THSD7B: variants seen among roughly 807,000 people sequenced by gnomAD.
THSD7B encodes the protein thrombospondin type 1 domain containing 7B, also known as thrombospondin type-1 domain-containing protein 7B.
In THSD7B, 138 loss-of-function variants were observed where a neutral mutation model predicts 213.6. The observed-to-expected ratio is 0.65, with a 90% CI of 0.56 to 0.74. The LOEUF is 0.74. Among genes scored for constraint, THSD7B ranks in the 30% least tolerant of loss-of-function variants. THSD7B has a pLI of 0.00. For synonymous variants in THSD7B, 742 were observed against 687.0 expected, an observed-to-expected ratio of 1.08 and a Z score of -1.25; for missense variants, 1,931 against 1,991.5, an observed-to-expected ratio of 0.97 and a Z score of 0.58.
chr2:137,642,497 G>A lies in THSD7B; in HGVS notation c.3809G>A (p.Ser1270Asn), dbSNP rs758655082. The change falls in exon 21 of 28, where the codon AGC becomes AAC. Residue 1270 changes from serine (S) to asparagine (N), a missense_variant. By Grantham distance (46) the Ser-to-Asn change is conservative. Transcript: ENST00000409968. ...SQTCGHGGRMSRTRFIIMPTQ... is the reference protein window; with the variant it reads ...SQTCGHGGRMNRTRFIIMPTQ... ...TCCCTTATCATTTTAGGTCGAATGA[G>A]CCGGACTCGATTTATCATTATGCCA... The A allele has an allele frequency of 2.5e-6, 4 of 1,613,738 alleles. No individual in the cohort carries two copies. The highest frequency in any genetic ancestry group is 1.6e-4 in the Middle Eastern group (1 of 6,062).
chr2:137,360,854 G>A (rs1243861565), intron 12 of THSD7B, among the ~76,000 whole-genome samples: 1 of 152,194 alleles, frequency 6.6e-6, no homozygotes, highest in African/African-American at 2.4e-5. Context: ...GAAGAGAGCA[G>A]TGGGTCTCCC....
intron 7 of THSD7B, among the ~76,000 whole-genome samples, chr2:137,187,254 C>T (rs1413638082): frequency 6.6e-6 from 1 of 152,130 alleles, no homozygotes; most frequent in African/African-American, 2.4e-5. Flanking sequence ...AGCATGGCTT[C>T]TCCAGGGCTA....
intron 12 of THSD7B, among the ~76,000 whole-genome samples, chr2:137,398,199 G>A (rs1434994684): frequency 8.6e-5 from 13 of 150,320 alleles, no homozygotes; most frequent in Admixed American, 4.0e-4. Context: ...TTGTTCCGTT[G>A]CTGGTGAGGA....
At chr2:137,102,345 C>A (rs1483722359) in intron 4 of THSD7B, among the ~76,000 whole-genome samples, 2 of 150,278 alleles carry the variant, frequency 1.3e-5, no homozygotes, top group African/African-American at 4.9e-5. Context: ...GCATCAACAT[C>A]AACAAAAAGG....
chr2:137,601,454 A>G (rs1682075049), intron 17 of THSD7B, among the ~76,000 whole-genome samples: 1 of 152,220 alleles, frequency 6.6e-6, no homozygotes, highest in African/African-American at 2.4e-5. Context: ...TATAGTATTT[A>G]GTATACAGTA....
intron 13 of THSD7B, among the ~76,000 whole-genome samples, chr2:137,408,912 G>A (rs573555595): frequency 2.0e-5 from 3 of 152,304 alleles, no homozygotes; most frequent in African/African-American, 7.2e-5. Context: ...AGGAAGGTGG[G>A]TAGAAATTGT....
chr2:137,405,138 G>A (rs909272606), intron 12 of THSD7B, among the ~76,000 whole-genome samples: 1 of 139,532 alleles, frequency 7.2e-6, no homozygotes, highest in African/African-American at 2.6e-5. Context: ...ACAGACAGCA[G>A]AAATTCCTTT....
At chr2:136,921,764 CAG>C (rs975293883) in intron 2 of THSD7B, among the ~76,000 whole-genome samples, 7 of 152,130 alleles carry the variant, frequency 4.6e-5, no homozygotes, top group African/African-American at 1.4e-4. Flanking sequence ...ATTTGTGAAA[CAG>C]AGTACTGTCG....
chr2:137,314,768 G>T (rs1198037046), intron 12 of THSD7B, among the ~76,000 whole-genome samples: 1 of 152,176 alleles, frequency 6.6e-6, no homozygotes, highest in Admixed American at 6.5e-5. Context: ...ACTCGGCCTT[G>T]TGAGGTGTCA....
At chr2:137,253,918 T>G (rs1213443974) in intron 10 of THSD7B, among the ~76,000 whole-genome samples, 1 of 152,188 alleles carries the variant, frequency 6.6e-6, no homozygotes, top group Non-Finnish European at 1.5e-5. Flanking sequence ...TTAATTTATA[T>G]TATTATAGTA....
chr2:137,577,501 C>T (rs535547698), intron 17 of THSD7B, among the ~76,000 whole-genome samples: 4 of 152,186 alleles, frequency 2.6e-5, no homozygotes, highest in Non-Finnish European at 5.9e-5. Context: ...TGCCCCGACA[C>T]CTTCCATTCT....
In THSD7B at chr2:136,807,510, T is replaced by TTTTTTTC. The variant is rs775289705; in HGVS notation, c.-36+41829_-36+41830insCTTTTTT. ...CTTCCTAGCACTACAAAATGTTTCG[T>TTTTTTTC]TTTTTTTTTTTTTTTGAGACGGAGT... On this transcript the variant is annotated intron_variant, in intron 1 of 27. Coordinates refer to ENST00000409968, the MANE Select transcript of THSD7B (RefSeq NM_001316349.2). Among the ~76,000 whole-genome samples the TTTTTTTC allele has an allele frequency of 4.3e-4, 19 of 44,004 alleles. 2 individuals are homozygous for TTTTTTTC. The South Asian group carries it at 5.4e-3, about 12-fold the overall frequency. 28.9% of individuals were successfully genotyped at this position (44,004 alleles called of 152,430 possible).
At chr2:137,403,520 T>A (rs921052556) in intron 12 of THSD7B, among the ~76,000 whole-genome samples, 3 of 152,222 alleles carry the variant, frequency 2.0e-5, no homozygotes, top group Non-Finnish European at 4.4e-5. Flanking sequence ...AAAGTGATCC[T>A]AAACTATGAT....
At chr2:137,322,773 G>A (rs768314656) in intron 12 of THSD7B, among the ~76,000 whole-genome samples, 3 of 152,162 alleles carry the variant, frequency 2.0e-5, no homozygotes, top group Non-Finnish European at 2.9e-5. Flanking sequence ...ATGTGCCGTA[G>A]AATACTCTCT....
chr2:137,111,873 G>A (rs1272338851), intron 4 of THSD7B, among the ~76,000 whole-genome samples: 1 of 152,156 alleles, frequency 6.6e-6, no homozygotes, highest in African/African-American at 2.4e-5. Context: ...CTCAGAGGAG[G>A]TAGGACGCCG....
At position 136,780,415 on chromosome 2, in the gene THSD7B, C is replaced by T. The variant is rs902969116; in HGVS notation, c.-36+14728C>T. Among the ~76,000 whole-genome samples, 6 of 152,156 alleles carry T rather than the reference C, an allele frequency of 3.9e-5. No homozygotes were observed. The South Asian group carries it at 1.2e-3, about 32-fold the overall frequency. ...ACTGTTACCTTGGAGGTTAGGAGTT[C>T]AACATATGAATGTTGGTGAGACACA... is the stretch of plus-strand genomic sequence containing the variant. On this transcript the variant is annotated intron_variant, in intron 1 of 27. Transcript: ENST00000409968.
chr2:137,460,365 A>G (rs1275075158), intron 15 of THSD7B, among the ~76,000 whole-genome samples: 1 of 152,168 alleles, frequency 6.6e-6, no homozygotes, highest in East Asian at 1.9e-4. Context: ...TACTTGATAG[A>G]TGTTAAGTAT....
intron 3 of THSD7B, among the ~76,000 whole-genome samples, chr2:137,073,489 A>G (rs189054738): frequency 2.0e-5 from 3 of 152,046 alleles, no homozygotes; most frequent in Non-Finnish European, 4.4e-5. Flanking sequence ...TTTTCTTCTT[A>G]GTCTTGCTAG....
At chr2:137,080,376 T>G (rs1037205233) in intron 3 of THSD7B, among the ~76,000 whole-genome samples, 3 of 147,306 alleles carry the variant, frequency 2.0e-5, no homozygotes, top group Non-Finnish European at 4.5e-5. Context: ...TGTTTTTTTT[T>G]TTTTTTTTTT....
Sources: gnomAD v4.1 joint callset for allele counts (sites outside exome capture counted in the v4.1 genomes callset) on GRCh38, gnomAD v4.1.1 for gene constraint, MANE v1.5 for transcripts, NCBI Gene and HGNC (gene_info 2026-07-23, HGNC 2026-07-21) for gene names.